STARD13: variants seen among roughly 807,000 people sequenced by gnomAD.
The protein encoded by STARD13 is StAR related lipid transfer domain containing 13.
A neutral mutation model predicts 106.4 loss-of-function variants in STARD13; 62 were observed. The ratio of observed to expected loss-of-function variants is 0.58; its 90% CI spans 0.48 to 0.72. STARD13 has a LOEUF of 0.72. Ranked by LOEUF, STARD13 falls within the 30% of genes least tolerant of loss-of-function variation. STARD13 has a pLI of 0.00. For missense variants in STARD13, 1,387 were observed against 1,424.0 expected (o/e 0.97, Z 0.42); for synonymous variants, 565 against 553.0 (o/e 1.02, Z -0.31).
At chr13:33,622,333 C>T in the STARD13 span, among the ~76,000 whole-genome samples, 3 of 151,904 alleles carry the variant, frequency 2.0e-5, no homozygotes, top group Non-Finnish European at 2.9e-5. Flanking sequence ...ACTCCAGTAC[C>T]GTGTAAAAAG....
intron 1 of STARD13, among the ~76,000 whole-genome samples, chr13:33,230,084 T>C (rs1888835961): frequency 6.6e-6 from 1 of 152,224 alleles, no homozygotes; most frequent in East Asian, 1.9e-4. Context: ...GAAGCGAATT[T>C]GCAATTATTG....
the STARD13 span, among the ~76,000 whole-genome samples, chr13:33,542,928 C>T: frequency 1.3e-5 from 2 of 152,296 alleles, no homozygotes; most frequent in East Asian, 3.9e-4. Context: ...TTTCTCCCGC[C>T]CTGGACGGGG....
At chr13:33,338,146 A>G (rs1252734369) in intron 1 of STARD13, among the ~76,000 whole-genome samples, 2 of 152,184 alleles carry the variant, frequency 1.3e-5, no homozygotes, top group Admixed American at 1.3e-4. Flanking sequence ...CCAAAGCTTC[A>G]TGGGAGTGAC....
chr13:33,495,212 T>G, the STARD13 span, among the ~76,000 whole-genome samples: 1 of 152,234 alleles, frequency 6.6e-6, no homozygotes, highest in South Asian at 2.1e-4. Flanking sequence ...TCCATTCTTG[T>G]GATTGTACCT....
the STARD13 span, among the ~76,000 whole-genome samples, chr13:33,504,661 G>A: frequency 7.2e-5 from 11 of 151,864 alleles, no homozygotes; most frequent in Admixed American, 3.9e-4. Flanking sequence ...CGTAAATGAC[G>A]AGTTGATGGG....
intron 1 of STARD13, among the ~76,000 whole-genome samples, chr13:33,260,393 C>T (rs997066326): frequency 6.6e-6 from 1 of 152,240 alleles, no homozygotes; most frequent in Non-Finnish European, 1.5e-5. Context: ...GCAGCCATTG[C>T]CAACGCTGCT....
the STARD13 span, among the ~76,000 whole-genome samples, chr13:33,405,388 A>G: frequency 2.0e-5 from 3 of 152,214 alleles, no homozygotes; most frequent in Non-Finnish European, 1.5e-5. Context: ...GTGGGTGCTC[A>G]CACACACAGG....
the STARD13 span, among the ~76,000 whole-genome samples, chr13:33,397,170 T>A: frequency 6.6e-6 from 1 of 152,222 alleles, no homozygotes; most frequent in Non-Finnish European, 1.5e-5. Context: ...CAATTTTCCA[T>A]TTCTCTCCTA....
the STARD13 span, among the ~76,000 whole-genome samples, chr13:33,392,072 C>G: frequency 0.041 from 6,202 of 152,200 alleles, 451 homozygotes; most frequent in African/African-American, 0.14. Context: ...GAGAGAAATT[C>G]AGTTGCTTAA....
intron 13 of STARD13, 36 bp from the exon 14 acceptor site, chr13:33,105,746 T>C: frequency 6.4e-7 from 1 of 1,560,930 alleles, no homozygotes; most frequent in South Asian, 1.1e-5. Context: ...AGTGGGAAAG[T>C]TTGTTTCCAA....
chr13:33,378,113 C>T, the STARD13 span, among the ~76,000 whole-genome samples: 3 of 152,130 alleles, frequency 2.0e-5, no homozygotes, highest in Non-Finnish European at 4.4e-5. Flanking sequence ...GGTTATCATA[C>T]TTGTAATTCA....
chr13:33,516,423 A>G, the STARD13 span, among the ~76,000 whole-genome samples: 1 of 151,810 alleles, frequency 6.6e-6, no homozygotes, highest in Non-Finnish European at 1.5e-5. Flanking sequence ...AAGTAAAAAA[A>G]CATATCCCCT....
the STARD13 span, among the ~76,000 whole-genome samples, chr13:33,666,182 A>G: frequency 1.3e-5 from 2 of 152,250 alleles, no homozygotes; most frequent in Admixed American, 1.3e-4. Context: ...CTCAGGAGAA[A>G]TAGCCAAAGT....
At chr13:33,528,233 TATATATATACATATATATATATAC>T in the STARD13 span, among the ~76,000 whole-genome samples, 6 of 131,966 alleles carry the variant, frequency 4.5e-5, no homozygotes, top group African/African-American at 2.1e-4. Flanking sequence ...TGTGTATATA[TATATATATACATATATATATATAC>T]ATATATATAT....
intron 1 of STARD13, among the ~76,000 whole-genome samples, chr13:33,240,386 C>A (rs1022546880): frequency 6.6e-6 from 1 of 152,064 alleles, no homozygotes; most frequent in African/African-American, 2.4e-5. Flanking sequence ...GATCCCACAT[C>A]CATTTTAGAA....
rs139399720 is a variant in STARD13, at chr13:33,331,704, C to T, written c.124+18586G>A. ...TCTACTACCATACTTGTCCTAAGTT[C>T]CTTGAGTGTTAGTTAAAATTAGGGT... On this transcript the variant is annotated intron_variant, in intron 1 of 5. Transcript: ENST00000567873. Among the ~76,000 whole-genome samples the T allele has an allele frequency of 4.1e-3, 624 of 152,082 alleles. 6 individuals carry two copies. Among genetic ancestry groups the T allele is most frequent in the African/African-American group, 0.014 (593 of 41,478 alleles).
chr13:33,558,667 T>G, the STARD13 span, among the ~76,000 whole-genome samples: 2 of 147,020 alleles, frequency 1.4e-5, no homozygotes, highest in African/African-American at 5.5e-5. Flanking sequence ...CAGAAGCTAA[T>G]GTTTCACTGA....
At chr13:33,206,006 GACTGGTCC>G (rs1184717646) in intron 1 of STARD13, 3 of 985,244 alleles carry the variant, frequency 3.0e-6, no homozygotes, top group Non-Finnish European at 3.6e-6. Context: ...TTGTCTGTGA[GACTGGTCC>G]ACATCATTCT....
At chr13:33,188,278 T>C (rs1267269909) in intron 1 of STARD13, 4 of 152,236 alleles carry the variant, frequency 2.6e-5, no homozygotes, top group African/African-American at 9.7e-5. Flanking sequence ...AACAAACATT[T>C]AGTTGGTTAC....
Sources: gnomAD v4.1 joint callset for allele counts (sites outside exome capture counted in the v4.1 genomes callset) on GRCh38, gnomAD v4.1.1 for gene constraint, MANE v1.5 for transcripts, NCBI Gene and HGNC (gene_info 2026-07-23, HGNC 2026-07-21) for gene names.